Variants in TSC1 observed in about 807,000 individuals in gnomAD.
The protein encoded by TSC1 is hamartin.
Under a neutral mutation model 124.3 loss-of-function variants are expected in TSC1, and 20 were observed. The observed-to-expected ratio is 0.16, with a 90% CI of 0.11 to 0.23. The LOEUF is 0.23. Among genes scored for constraint, TSC1 ranks in the 10% least tolerant of loss-of-function variants. TSC1 has a pLI of 1.00. For missense variants in TSC1, 1,124 were observed against 1,448.5 expected, an observed-to-expected ratio of 0.78 and a Z score of 3.64; for synonymous variants, 493 against 539.1, an observed-to-expected ratio of 0.91 and a Z score of 1.19.
At chr9:132,930,994 C>T (rs568927148) in intron 2 of TSC1, among the ~76,000 whole-genome samples, 3 of 152,254 alleles carry the variant, frequency 2.0e-5, no homozygotes, top group Non-Finnish European at 2.9e-5. Flanking sequence ...CTGCATAGTA[C>T]CTGTATATTA....
At chr9:132,941,029 T>TA (rs1394318180) in intron 1 of TSC1, 1 of 152,176 alleles carries the variant, frequency 6.6e-6, no homozygotes, top group African/African-American at 2.4e-5. Context: ...TGTCCTTTGT[T>TA]ACTCCAACAC....
Position 132,911,059 on chromosome 9 carries a change from G to A in TSC1, c.1084C>T (p.Pro362Ser), listed in dbSNP as rs397514864. The A allele has an allele frequency of 2.5e-6, 4 of 1,614,080 alleles. No homozygotes were observed. The highest frequency in any genetic ancestry group is 3.4e-6 in the Non-Finnish European group (4 of 1,180,036). Residue 362 changes from proline to serine, a missense_variant, in exon 11 of 23, where the codon CCT becomes TCT. By Grantham distance (74) the Pro-to-Ser change is moderately conservative. Coordinates refer to ENST00000298552, the MANE Select transcript of TSC1 (RefSeq NM_000368.5). ...GACAGATCAGGTGGGACATTTCCAGGAGAAGTTGGAGGAGTGGTCATACCA... is the reference window on the plus strand; with the variant it reads ...GACAGATCAGGTGGGACATTTCCAGAAGAAGTTGGAGGAGTGGTCATACCA... ...VCGMTTPPTS[P>S]GNVPPDLSHP...
At chr9:132,901,549 GGT>G in intron 19 of TSC1, 38 bp downstream of exon 19, 1 of 1,518,998 alleles carries the variant, frequency 6.6e-7, no homozygotes, top group South Asian at 1.1e-5. Context: ...GTTAGCAAAT[GGT>G]GTTTCAGCAG....
chr9:132,914,005 T>A (rs920958911), intron 8 of TSC1, among the ~76,000 whole-genome samples: 2 of 145,916 alleles, frequency 1.4e-5, no homozygotes, highest in Non-Finnish European at 1.5e-5. Context: ...TTCAAGCAAT[T>A]CTCCTGCCTC....
At chr9:132,911,184 G>T in intron 10 of TSC1, 71 bp from the exon 11 acceptor site, 1 of 1,260,724 alleles carries the variant, frequency 7.9e-7, no homozygotes, top group Non-Finnish European at 1.2e-6. Flanking sequence ...TATATCCATG[G>T]CCAGTGTTCA....
At chr9:132,931,091 G>A (rs1847178130) in intron 2 of TSC1, 1 of 152,134 alleles carries the variant, frequency 6.6e-6, no homozygotes, top group South Asian at 2.1e-4. Flanking sequence ...CCCCCACATT[G>A]ATTTCTGCTT....
rs779015004 is a variant in TSC1, at chr9:132,912,409, G to C, written c.786C>G (p.Ile262Met). The change falls in exon 9 of 23, where the codon ATC becomes ATG. Residue 262 changes from isoleucine to methionine, a missense_variant. Physicochemically the swap from Ile to Met is conservative, Grantham distance 10. This residue lies in a region of TSC1 where 463 missense variants were observed against 606.8 expected (regional missense o/e 0.76). Transcript: ENST00000298552. ...THDVVIECAKISLDPTEASYE... is the reference protein window; with the variant it reads ...THDVVIECAKMSLDPTEASYE... ...ATGAGGCTTCTGTGGGATCCAGAGA[G>C]ATTTTGGCACACTCGATCACAACAT... 6.2e-7 allele frequency: 1 copy of C among 1,614,180 alleles called. No individual in the cohort carries two copies. Among genetic ancestry groups the C allele is most frequent in the South Asian group, 1.1e-5 (1 of 91,090 alleles).
intron 5 of TSC1, 91 bp downstream of exon 5, chr9:132,925,496 T>C: frequency 2.6e-6 from 4 of 1,538,392 alleles, no homozygotes; most frequent in East Asian, 4.5e-5. Context: ...ACTCTAAAAG[T>C]TAAAATCTAG....
chr9:132,897,690 TAAG>T lies in TSC1; in HGVS notation c.2626-83_2626-81del. ...CTGTATCCATTTTGAAAAGACAATG[TAAG>T]AAGGACTGAGAAGGCATTTTAGTAT... is the stretch of plus-strand genomic sequence containing the variant. On this transcript the variant is annotated intron_variant, in intron 20 of 22. Coordinates refer to ENST00000298552, the MANE Select transcript of TSC1 (RefSeq NM_000368.5). 4.5e-6 allele frequency: 7 copies of T among 1,541,982 alleles called. No homozygotes were observed. In the Admixed American group the frequency reaches 6.5e-5, roughly 14 times the overall value.
chr9:132,910,806 C>A (rs1016178297), intron 11 of TSC1, 114 bp from the exon 12 acceptor site: 1 of 1,502,472 alleles, frequency 6.7e-7, no homozygotes. Flanking sequence ...AGTTAACTTT[C>A]TGGGGATCTA....
chr9:132,899,739 G>C (rs541533600), intron 20 of TSC1: 1 of 152,200 alleles, frequency 6.6e-6, no homozygotes, highest in Non-Finnish European at 1.5e-5. Context: ...GCCCCATGGA[G>C]AGGCAGCTAC....
In TSC1 at chr9:132,896,600, CGCT is replaced by C. The variant is rs2234980; in HGVS notation, c.3127_3129del (p.Ser1043del). 1.9e-5 allele frequency: 30 copies of C among 1,612,526 alleles called. No homozygotes were observed. Among genetic ancestry groups the C allele is most frequent in the Admixed American group, 6.7e-5 (4 of 59,910 alleles). ...GGGGGTTTCTCTGGGGTAGAAAGCT[CGCT>C]GCTGCTGCTGCTGCTGCCTCCACCA... On this transcript the variant is annotated inframe_deletion, in exon 23 of 23. Transcript: ENST00000298552. The surrounding 1 kb of genome is among the most constrained non-coding windows in gnomAD (Gnocchi z 4.5).
upstream of TSC1, chr9:132,944,712 G>C (rs1182981995): frequency 2.5e-6 from 1 of 398,378 alleles, no homozygotes; most frequent in African/African-American, 2.1e-5. Context: ...CGAAAGGAAG[G>C]ATAGACGGCC....
intron 1 of TSC1, chr9:132,939,319 G>A (rs1437320919): frequency 6.6e-6 from 1 of 152,220 alleles, no homozygotes; most frequent in Admixed American, 6.5e-5. Context: ...TACTTACTAT[G>A]TGAGAGTAAA....
chr9:132,937,163 G>A (rs1442706815), intron 1 of TSC1, among the ~76,000 whole-genome samples: 2 of 152,226 alleles, frequency 1.3e-5, no homozygotes, highest in Admixed American at 6.5e-5. Context: ...AGGAGCCCAG[G>A]CCAGGTGTGG....
In TSC1 at chr9:132,906,825, A is replaced by G. The variant is rs530908428; in HGVS notation, c.1344T>C (p.Pro448=). Residue 448 remains proline (P), a synonymous_variant, in exon 14 of 23, where the codon CCT becomes CCC. Transcript: ENST00000298552. This position sits in a 1 kb window ranked among gnomAD's most constrained non-coding sequence, Gnocchi z 4.1. The part of the protein sequence containing the change: ...LLNDRGSEEP[P]GSKGSVTLSD... Reference sequence around the variant, plus strand: ...TTAGAGTGACAGAACCTTTGCTGCCAGGTGGCTCTTCTGAAGAGAAACAAA... The same window carrying G: ...TTAGAGTGACAGAACCTTTGCTGCCGGGTGGCTCTTCTGAAGAGAAACAAA... 2.5e-6 allele frequency: 4 copies of G among 1,614,096 alleles called. No individual in the cohort carries two copies. The African/African-American group carries it at 4.0e-5, about 16-fold the overall frequency.
rs1219914672 is a variant in TSC1 at position 132,902,435 on chromosome 9, CTAAG to C, written c.2391+166_2391+169del. 1.3e-5 allele frequency among the ~76,000 whole-genome samples: 2 copies of C among 152,174 alleles called. No individual in the cohort carries two copies. The highest frequency in any genetic ancestry group is 2.4e-5 in the African/African-American group (1 of 41,436). On this transcript the variant is annotated intron_variant, in intron 18 of 22. Transcript: ENST00000298552. The surrounding 1 kb of genome is among the most constrained non-coding windows in gnomAD (Gnocchi z 5.2). Reference sequence around the variant, plus strand: ...CCAACAAAGTTGGGGAACCTCTGTCCTAAGTAAGATTCACCTGCCATGAAGAATT... The same window carrying C: ...CCAACAAAGTTGGGGAACCTCTGTCCTAAGATTCACCTGCCATGAAGAATT...
intron 8 of TSC1, among the ~76,000 whole-genome samples, chr9:132,916,885 C>T (rs1846293689): frequency 6.6e-6 from 1 of 152,104 alleles, no homozygotes; most frequent in African/African-American, 2.4e-5. Flanking sequence ...TGATCAGGCC[C>T]CAGTCTCCTG....
In TSC1 at chr9:132,906,043, A is replaced by G. The variant is rs1258758207; in HGVS notation, c.1535T>C (p.Leu512Pro). The change falls in exon 15 of 23, where the codon CTC becomes CCC. Residue 512 changes from leucine to proline, a missense_variant. Physicochemically the swap from Leu to Pro is moderately conservative, Grantham distance 98. Coordinates refer to ENST00000298552, the MANE Select transcript of TSC1 (RefSeq NM_000368.5). The surrounding 1 kb of genome is among the most constrained non-coding windows in gnomAD (Gnocchi z 4.1). ...GTGGGTCTTCCGCTGAGAACCTGGG[A>G]GACTGTCTCGGTAAAAGGGAGAGTC... Reference protein sequence around the residue: ...GFDSPFYRDSLPGSQRKTHSA... With the variant: ...GFDSPFYRDSPPGSQRKTHSA... 1 of 1,613,978 alleles carries G rather than the reference A, an allele frequency of 6.2e-7. No individual in the cohort carries two copies. The highest frequency in any genetic ancestry group is 8.5e-7 in the Non-Finnish European group (1 of 1,179,966).
Sources: allele counts gnomAD v4.1 joint callset (sites outside exome capture counted in the v4.1 genomes callset), GRCh38; gene constraint gnomAD v4.1.1; regional missense constraint gnomAD v4.1.1; non-coding constraint Gnocchi (gnomAD v3.1); transcripts MANE v1.5; gene names NCBI Gene and HGNC (gene_info 2026-07-23, HGNC 2026-07-21).